Variants in ARHGAP27 observed in about 807,000 individuals in gnomAD.
ARHGAP27 encodes the protein Rho GTPase activating protein 27.
In ARHGAP27, 53 loss-of-function variants were observed where a neutral mutation model predicts 102.0. The observed-to-expected ratio is 0.52, with a 90% CI of 0.42 to 0.65. The LOEUF (loss-of-function observed/expected upper bound fraction) is 0.65, where lower values mean the gene tolerates loss of function less well. Ranked by LOEUF, ARHGAP27 falls within the 30% of genes least tolerant of loss-of-function variation. ARHGAP27 has a pLI of 0.00. For missense variants in ARHGAP27, 1,117 were observed against 1,256.2 expected, an observed-to-expected ratio of 0.89 and a Z score of 1.68; for synonymous variants, 525 against 542.8, an observed-to-expected ratio of 0.97 and a Z score of 0.46.
rs779045164 is a variant in ARHGAP27, at chr17:45,395,718, C to T, written c.2492+26G>A. 4.4e-6 allele frequency: 7 copies of T among 1,574,618 alleles called. No individual in the cohort carries two copies. In the African/African-American group the frequency reaches 8.1e-5, roughly 18 times the overall value. On this transcript the variant is annotated intron_variant, in intron 19 of 19. Coordinates refer to ENST00000685559, the MANE Select transcript of ARHGAP27 (RefSeq NM_001282290.2). The stretch of plus-strand genomic sequence containing the variant: ...GGCTTCAGCCGGGACCTGCCTCCCC[C>T]TTCCCGCGCGGGCCGCCCGGCTCAC...
At chr17:45,413,154 AC>A (rs2048098478) in intron 4 of ARHGAP27, among the ~76,000 whole-genome samples, 1 of 149,970 alleles carries the variant, frequency 6.7e-6, no homozygotes, top group Admixed American at 6.6e-5. Flanking sequence ...TAATTTTTGT[AC>A]TTTTAGTAGA....
chr17:45,418,535 C>A (rs1054502525), intron 4 of ARHGAP27, among the ~76,000 whole-genome samples: 1 of 152,132 alleles, frequency 6.6e-6, no homozygotes. Context: ...CCTTCCAGCT[C>A]CCCCCACCCC....
intron 5 of ARHGAP27, among the ~76,000 whole-genome samples, 168 bp downstream of exon 5, chr17:45,405,508 T>TG (rs932438688): frequency 4.1e-5 from 6 of 147,046 alleles, no homozygotes; most frequent in Non-Finnish European, 7.5e-5. Flanking sequence ...CCCTTCACCC[T>TG]GGGGTCCCTG....
Position 45,429,868 on chromosome 17 carries a change from C to G in ARHGAP27, c.412G>C (p.Gly138Arg), listed in dbSNP as rs2049924861. 3 of 1,315,082 alleles carry G rather than the reference C, an allele frequency of 2.3e-6. No homozygotes were observed. The highest frequency in any genetic ancestry group is 4.3e-5 in the Admixed American group (1 of 23,094). The allele number at this position is 1,315,082 out of a possible 1,614,324, so 81.5% of individuals were successfully genotyped here. Residue 138 changes from glycine (G) to arginine (R), a missense_variant, in exon 4 of 20, where the codon GGC (glycine) becomes CGC (arginine). Transcript: ENST00000685559. ...AATQRSSLAP[G>R]LPACLYLRPA... ...CGCAGGTACAGGCAGGCTGGCAGGC[C>G]GGGCGCCAGGCTGCTGCGCTGGGTC... is the stretch of plus-strand genomic sequence containing the variant.
chr17:45,409,015 C>G (rs973245025), intron 4 of ARHGAP27: 2 of 152,286 alleles, frequency 1.3e-5, no homozygotes, highest in African/African-American at 4.8e-5. Flanking sequence ...CTAACCCATG[C>G]CCAGTTTCAG....
At chr17:45,398,430 A>G (rs918015690) in intron 12 of ARHGAP27, among the ~76,000 whole-genome samples, 6 of 152,128 alleles carry the variant, frequency 3.9e-5, no homozygotes, top group African/African-American at 1.4e-4. Flanking sequence ...CCTGCAAACT[A>G]AGTGAAAGAA....
rs754698444 is a variant in ARHGAP27, at chr17:45,395,506, C to T, written c.2620G>A (p.Val874Met). Residue 874 changes from valine to methionine, a missense_variant, in exon 20 of 20, where the codon GTG becomes ATG. Physicochemically the swap from Val to Met is conservative, Grantham distance 21. Transcript: ENST00000685559. ...MPMTMVFQNQ[V>M]VELILQQCAD... ...CACTGCTGCAGGATGAGCTCCACCA[C>T]CTGGTTCTGGAACACCATGGTCATG... The T allele has an allele frequency of 6.3e-7, 1 of 1,594,344 alleles. No homozygotes were observed. Among genetic ancestry groups the T allele is most frequent in the South Asian group, 1.1e-5 (1 of 87,882 alleles).
rs376146157 is a variant in ARHGAP27 at position 45,404,432 on chromosome 17, G to A, written c.1413+13C>T. On this transcript the variant is annotated intron_variant, in intron 8 of 19. Coordinates refer to ENST00000685559, the MANE Select transcript of ARHGAP27 (RefSeq NM_001282290.2). ...TGGTGGTCCTGCCAGGACCTCAATG[G>A]CTCCTCCCCTACCTTCTCCTCTGGA... is the stretch of plus-strand genomic sequence containing the variant. The A allele has an allele frequency of 1.9e-6, 3 of 1,613,920 alleles. No homozygotes were observed. The highest frequency in any genetic ancestry group is 1.3e-5 in the African/African-American group (1 of 74,922).
chr17:45,405,179 A>G, intron 5 of ARHGAP27, 73 bp from the exon 6 acceptor site: 1 of 1,472,344 alleles, frequency 6.8e-7, no homozygotes, highest in South Asian at 1.4e-5. Flanking sequence ...GTTTTGGACC[A>G]GGCCCACCCC....
intron 12 of ARHGAP27, among the ~76,000 whole-genome samples, chr17:45,399,146 C>G (rs538768522): frequency 6.6e-6 from 1 of 152,222 alleles, no homozygotes; most frequent in Non-Finnish European, 1.5e-5. Flanking sequence ...TGTTTGGCGG[C>G]AACAGCTCAC....
rs2049724981 is a variant in ARHGAP27 at position 45,427,396 on chromosome 17, G to A, written c.657+2227C>T. Among the ~76,000 whole-genome samples, 2 of 152,256 alleles carry A rather than the reference G, an allele frequency of 1.3e-5. No individual in the cohort carries two copies. The highest frequency in any genetic ancestry group is 2.9e-5 in the Non-Finnish European group (2 of 68,046). On this transcript the variant is annotated intron_variant, in intron 4 of 19. Coordinates refer to ENST00000685559, the MANE Select transcript of ARHGAP27 (RefSeq NM_001282290.2). The surrounding 1 kb of genome is among the most constrained non-coding windows in gnomAD (Gnocchi z 4.5). Reference sequence around the variant, plus strand: ...TCTTGCTGGCCTCCTATCCAAGAGGGTGAGTCCCCCAGGATCGTGGCTGTG... The same window carrying A: ...TCTTGCTGGCCTCCTATCCAAGAGGATGAGTCCCCCAGGATCGTGGCTGTG...
At chr17:45,398,335 G>T (rs567847251) in intron 12 of ARHGAP27, among the ~76,000 whole-genome samples, 4 of 152,274 alleles carry the variant, frequency 2.6e-5, no homozygotes, top group African/African-American at 9.6e-5. Context: ...AGAGCTGCAT[G>T]GCTCAATTGT....
chr17:45,416,531 C>T (rs1391073989), intron 4 of ARHGAP27, among the ~76,000 whole-genome samples: 1 of 149,766 alleles, frequency 6.7e-6, no homozygotes, highest in Non-Finnish European at 1.5e-5. Context: ...TAAATCTAGG[C>T]AATAAGTAAC....
chr17:45,421,199 C>T (rs1312854946), intron 4 of ARHGAP27, among the ~76,000 whole-genome samples: 2 of 146,790 alleles, frequency 1.4e-5, no homozygotes, highest in Non-Finnish European at 3.0e-5. Context: ...GAGCAACAGT[C>T]CGGGCGCAGT....
At chr17:45,413,775 A>G (rs2048159507) in intron 4 of ARHGAP27, among the ~76,000 whole-genome samples, 1 of 151,998 alleles carries the variant, frequency 6.6e-6, no homozygotes, top group Admixed American at 6.6e-5. Context: ...GCTGGCAGAC[A>G]CCCAGCAGGG....
chr17:45,427,064 G>A lies in ARHGAP27; in HGVS notation c.657+2559C>T, dbSNP rs1270857208. Among the ~76,000 whole-genome samples the A allele has an allele frequency of 6.6e-6, 1 of 151,780 alleles. No homozygotes were observed. Among genetic ancestry groups the A allele is most frequent in the Non-Finnish European group, 1.5e-5 (1 of 67,952 alleles). ...GGAAGCAGCACCACTGTCTGCCCAC[G>A]AGTGCCAGCTGGGAATCTAGAACTC... On this transcript the variant is annotated intron_variant, in intron 4 of 19. Transcript: ENST00000685559. The surrounding 1 kb of genome is among the most constrained non-coding windows in gnomAD (Gnocchi z 4.5).
At chr17:45,426,757 T>G (rs563070174) in intron 4 of ARHGAP27, among the ~76,000 whole-genome samples, 1 of 152,212 alleles carries the variant, frequency 6.6e-6, no homozygotes, top group South Asian at 2.1e-4. Context: ...ACTGTGTCTC[T>G]CTCCTTCTGC....
chr17:45,396,046 A>G lies in ARHGAP27; in HGVS notation c.2323T>C (p.Phe775Leu). Reference sequence around the variant, plus strand: ...AAGAGGGGCTCGGGCAGCTCCCGAAAGAAGAGCTTCAGGGCTCCGGTGATA... The same window carrying G: ...AAGAGGGGCTCGGGCAGCTCCCGAAGGAAGAGCTTCAGGGCTCCGGTGATA... ...HVITGALKLF[F>L]RELPEPLFPF... is the part of the protein sequence containing the mutation. The change falls in exon 18 of 20, where the codon TTT becomes CTT. Residue 775 changes from phenylalanine to leucine, a missense_variant. This residue lies in a region of ARHGAP27 where 493 missense variants were observed against 505.5 expected (regional missense o/e 0.98). Coordinates refer to ENST00000685559, the MANE Select transcript of ARHGAP27 (RefSeq NM_001282290.2). 6.2e-7 allele frequency: 1 copy of G among 1,613,922 alleles called. No homozygotes were observed. Among genetic ancestry groups the G allele is most frequent in the Non-Finnish European group, 8.5e-7 (1 of 1,179,894 alleles).
chr17:45,423,272 T>C (rs574803146), intron 4 of ARHGAP27, among the ~76,000 whole-genome samples: 1 of 152,300 alleles, frequency 6.6e-6, no homozygotes, highest in South Asian at 2.1e-4. Flanking sequence ...AAGAAATTCA[T>C]AATAAATTTT....
Sources: gnomAD v4.1 joint callset for allele counts (sites outside exome capture counted in the v4.1 genomes callset) on GRCh38, gnomAD v4.1.1 for gene constraint, gnomAD v4.1.1 regional missense constraint, Gnocchi (gnomAD v3.1) non-coding constraint, MANE v1.5 for transcripts, NCBI Gene and HGNC (gene_info 2026-07-23, HGNC 2026-07-21) for gene names.